The following AIM2 variants were observed in gnomAD, a reference collection of about 807,000 sequenced individuals.
AIM2 encodes the protein absent in melanoma 2, also known as interferon-inducible protein AIM2.
Under a neutral mutation model 27.7 loss-of-function variants are expected in AIM2, and 30 were observed. The ratio of observed to expected loss-of-function variants is 1.08; its 90% CI spans 0.81 to 1.47. The LOEUF (loss-of-function observed/expected upper bound fraction) is 1.47. Among genes scored for constraint, AIM2 ranks in the 40% most tolerant of loss-of-function variants. The pLI is 0.00. For synonymous variants in AIM2, 141 were observed against 145.3 expected, an observed-to-expected ratio of 0.97 and a Z score of 0.21; for missense variants, 358 against 411.3, an observed-to-expected ratio of 0.87 and a Z score of 1.12.
chr1:159,077,915 A>G (rs1164974800), upstream of AIM2, among the ~76,000 whole-genome samples: 6 of 152,226 alleles, frequency 3.9e-5, no homozygotes, highest in Non-Finnish European at 5.9e-5. Flanking sequence ...GGCTCTGCCA[A>G]GTCATGAAAA....
At chr1:159,064,699 A>G (rs757194778) in intron 4 of AIM2, among the ~76,000 whole-genome samples, 2 of 152,192 alleles carry the variant, frequency 1.3e-5, no homozygotes, top group Non-Finnish European at 2.9e-5. Flanking sequence ...TCCTCAACTC[A>G]GGTGATCCAT....
At chr1:159,073,905 G>T (rs1557895568) in intron 1 of AIM2, among the ~76,000 whole-genome samples, 1 of 152,134 alleles carries the variant, frequency 6.6e-6, no homozygotes, top group Non-Finnish European at 1.5e-5. Flanking sequence ...CGAGCATGGT[G>T]GTGGGCGCCT....
At chr1:159,135,658 T>A (rs1277103430) in intron 1 of AIM2, among the ~76,000 whole-genome samples, 3 of 152,222 alleles carry the variant, frequency 2.0e-5, no homozygotes, top group African/African-American at 7.2e-5. Context: ...CAAAATAATA[T>A]AACTTGTTCT....
At chr1:159,128,813 T>C (rs1218118878) in intron 1 of AIM2, among the ~76,000 whole-genome samples, 1 of 152,210 alleles carries the variant, frequency 6.6e-6, no homozygotes, top group African/African-American at 2.4e-5. Flanking sequence ...ACTCTTCATA[T>C]TTTAATAATG....
intron 1 of AIM2, among the ~76,000 whole-genome samples, chr1:159,092,182 G>A (rs72709590): frequency 0.032 from 4,869 of 152,194 alleles, 105 homozygotes; most frequent in Non-Finnish European, 0.046. Flanking sequence ...AATTTTAGCA[G>A]TAAAACATGA....
At chr1:159,057,076 G>C in the AIM2 span, among the ~76,000 whole-genome samples, 31 of 152,174 alleles carry the variant, frequency 2.0e-4, no homozygotes, top group Non-Finnish European at 3.7e-4. Context: ...CATGGTACAT[G>C]AGGGAGAGAA....
upstream of AIM2, among the ~76,000 whole-genome samples, chr1:159,078,375 T>C (rs750211091): frequency 6.6e-6 from 1 of 152,160 alleles, no homozygotes; most frequent in African/African-American, 2.4e-5. Context: ...AGTGAATGCA[T>C]GAATGAGTGG....
intron 4 of AIM2, 151 bp downstream of exon 4, chr1:159,065,759 G>T: frequency 3.7e-6 from 3 of 814,082 alleles, no homozygotes; most frequent in Non-Finnish European, 5.2e-6. Flanking sequence ...TATGAATTTT[G>T]GCATGTTTAC....
intron 1 of AIM2, among the ~76,000 whole-genome samples, chr1:159,087,022 C>A (rs1656929413): frequency 6.6e-6 from 1 of 152,096 alleles, no homozygotes; most frequent in Admixed American, 6.5e-5. Context: ...CCTTAAAACT[C>A]CAAGTGTACA....
chr1:159,118,879 G>A (rs568094863), intron 1 of AIM2, among the ~76,000 whole-genome samples: 8 of 152,060 alleles, frequency 5.3e-5, no homozygotes, highest in African/African-American at 1.7e-4. Flanking sequence ...TACATAACGG[G>A]TGTATTAATC....
chr1:159,124,025 T>G (rs1417732188), intron 1 of AIM2, among the ~76,000 whole-genome samples: 1 of 152,202 alleles, frequency 6.6e-6, no homozygotes, highest in Admixed American at 6.5e-5. Flanking sequence ...TGTTCCATTC[T>G]CATTCCGTAT....
the AIM2 span, among the ~76,000 whole-genome samples, chr1:159,055,509 G>T: frequency 6.6e-6 from 1 of 152,204 alleles, no homozygotes; most frequent in African/African-American, 2.4e-5. Flanking sequence ...GTGCATGAAG[G>T]CACTTGTCTG....
chr1:159,084,761 C>G (rs185723517), intron 1 of AIM2, among the ~76,000 whole-genome samples: 1 of 131,116 alleles, frequency 7.6e-6, no homozygotes, highest in Non-Finnish European at 1.7e-5. Context: ...AGTGACAGAG[C>G]AAAACCCTGT....
intron 4 of AIM2, among the ~76,000 whole-genome samples, chr1:159,064,885 G>A (rs1656011048): frequency 6.6e-6 from 1 of 152,146 alleles, no homozygotes; most frequent in South Asian, 2.1e-4. Flanking sequence ...AGATCCAAAG[G>A]GAACAGGAGG....
intron 1 of AIM2, among the ~76,000 whole-genome samples, chr1:159,092,529 G>C (rs1192107516): frequency 1.3e-5 from 2 of 152,208 alleles, no homozygotes; most frequent in African/African-American, 2.4e-5. Context: ...TAAGGTGGGA[G>C]AGGTGGGGAA....
At chr1:159,070,836 A>G (rs1457026910) in intron 2 of AIM2, among the ~76,000 whole-genome samples, 1 of 152,218 alleles carries the variant, frequency 6.6e-6, no homozygotes, top group Non-Finnish European at 1.5e-5. Context: ...AGGTATGCAG[A>G]TAAAGTCTCT....
chr1:159,063,691 A>G lies in AIM2; in HGVS notation c.817-17T>C, dbSNP rs1256067192. The G allele has an allele frequency of 6.2e-7, 1 of 1,608,294 alleles. No individual in the cohort carries two copies. The highest frequency in any genetic ancestry group is 2.2e-5 in the East Asian group (1 of 44,852). On this transcript the variant is annotated splice_polypyrimidine_tract_variant and intron_variant, in intron 4 of 5. Coordinates refer to ENST00000368130, the MANE Select transcript of AIM2 (RefSeq NM_004833.3). ...TTCTGTTACCTATAAAAGAAAATCA[A>G]CACCCAGCCTCTGATAATCGGATTA...
At chr1:159,146,732 C>G (rs549896919) in intron 1 of AIM2, among the ~76,000 whole-genome samples, 1 of 152,090 alleles carries the variant, frequency 6.6e-6, no homozygotes, top group Non-Finnish European at 1.5e-5. Flanking sequence ...CTGTCTCTGC[C>G]CCCCTTAGCC....
At chr1:159,139,475 A>G (rs1462446911) in intron 1 of AIM2, among the ~76,000 whole-genome samples, 2 of 152,224 alleles carry the variant, frequency 1.3e-5, no homozygotes, top group Non-Finnish European at 1.5e-5. Context: ...ACAGTGCTGT[A>G]CAACAAACTT....
Sources: allele counts gnomAD v4.1 joint callset (sites outside exome capture counted in the v4.1 genomes callset), GRCh38; gene constraint gnomAD v4.1.1; transcripts MANE v1.5; gene names NCBI Gene and HGNC (gene_info 2026-07-23, HGNC 2026-07-21).